The following DCAF8L2 variants were observed in gnomAD, a reference collection of about 807,000 sequenced individuals.
The protein encoded by DCAF8L2 is DDB1- and CUL4-associated factor 8-like protein 2.
For synonymous variants in DCAF8L2, 200 were observed against 190.9 expected (o/e 1.05, Z -0.39); for missense variants, 430 against 490.7 (o/e 0.88, Z 1.17).
the DCAF8L2 span, chrX:27,519,591 G>A: frequency 1.4e-4 from 94 of 655,265 alleles, no homozygotes; most frequent in African/African-American, 1.2e-3. Flanking sequence ...TCATTCCTCC[G>A]ACAGAAAACG....
intron 1 of DCAF8L2, among the ~76,000 whole-genome samples, chrX:27,623,336 A>G (rs1381219598): frequency 2.7e-5 from 3 of 111,704 alleles, no homozygotes; most frequent in Non-Finnish European, 5.6e-5. Flanking sequence ...TGGAGAGGAA[A>G]TATGAATGCA....
chrX:27,533,330 C>G, the DCAF8L2 span, among the ~76,000 whole-genome samples: 1 of 108,001 alleles, frequency 9.3e-6, no homozygotes, highest in Non-Finnish European at 1.9e-5. Flanking sequence ...CACTTGAACC[C>G]GAGAGTTCAA....
chrX:27,704,191 T>TATACACAC (rs1239897616), intron 3 of DCAF8L2, among the ~76,000 whole-genome samples: 1 of 63,520 alleles, frequency 1.6e-5, no homozygotes, highest in African/African-American at 5.4e-5. Context: ...CACACACACA[T>TATACACAC]ATGTATATAC....
At chrX:27,488,444 G>A in the DCAF8L2 span, among the ~76,000 whole-genome samples, 5 of 109,846 alleles carry the variant, frequency 4.6e-5, no homozygotes, top group African/African-American at 9.9e-5. Context: ...GTAAATTACC[G>A]TTGCACTTTC....
chrX:27,485,924 C>CTTTTTTTTT, the DCAF8L2 span, among the ~76,000 whole-genome samples: 9 of 58,814 alleles, frequency 1.5e-4, no homozygotes, highest in East Asian at 7.1e-4. Flanking sequence ...TTCTTTTTCT[C>CTTTTTTTTT]TTTTTTTTTT....
chrX:27,744,634 C>T (rs1034361570), intron 4 of DCAF8L2, among the ~76,000 whole-genome samples: 5 of 111,634 alleles, frequency 4.5e-5, no homozygotes, highest in Non-Finnish European at 9.4e-5. Flanking sequence ...ATCAAAAAAA[C>T]TGATGCCCAG....
chrX:27,557,728 A>C, the DCAF8L2 span, among the ~76,000 whole-genome samples: 1 of 102,701 alleles, frequency 9.7e-6, no homozygotes, highest in African/African-American at 3.5e-5. Flanking sequence ...AAAAAGTTCT[A>C]TGTAGCTGAG....
At chrX:27,722,420 A>T (rs1276271747) in intron 4 of DCAF8L2, among the ~76,000 whole-genome samples, 1 of 111,582 alleles carries the variant, frequency 9.0e-6, no homozygotes, top group Non-Finnish European at 1.9e-5. Context: ...ATGTGCTCGA[A>T]GCTCTTACAT....
chrX:27,689,468 C>T (rs1048014823), intron 3 of DCAF8L2, among the ~76,000 whole-genome samples: 1 of 112,550 alleles, frequency 8.9e-6, no homozygotes, highest in African/African-American at 3.2e-5. Flanking sequence ...TGGTCTCGAA[C>T]TCCTGACCTC....
chrX:27,506,311 C>T, the DCAF8L2 span, among the ~76,000 whole-genome samples: 555 of 111,734 alleles, frequency 5.0e-3, 8 homozygotes, highest in African/African-American at 0.017. Context: ...TCCAAAAGAA[C>T]TTTGTACACC....
the DCAF8L2 span, among the ~76,000 whole-genome samples, chrX:27,557,010 T>C: frequency 8.9e-6 from 1 of 112,614 alleles, no homozygotes; most frequent in African/African-American, 3.2e-5. Context: ...CTTTGAAATA[T>C]TTTCAAGTAT....
At chrX:27,602,235 A>G (rs1926682046) in intron 1 of DCAF8L2, among the ~76,000 whole-genome samples, 1 of 110,565 alleles carries the variant, frequency 9.0e-6, no homozygotes, top group Non-Finnish European at 1.9e-5. Flanking sequence ...GGGTTTCTCC[A>G]TATTGGTCAG....
chrX:27,655,855 G>A (rs892345057), intron 2 of DCAF8L2, among the ~76,000 whole-genome samples: 3 of 111,426 alleles, frequency 2.7e-5, no homozygotes, highest in African/African-American at 9.8e-5. Context: ...ATTTTTATAT[G>A]CTTTTAAAAC....
At chrX:27,610,887 G>A (rs12010622) in intron 1 of DCAF8L2, among the ~76,000 whole-genome samples, 1,228 of 112,425 alleles carry the variant, frequency 0.011, 16 homozygotes, top group African/African-American at 0.038. Context: ...ATCATTGTTA[G>A]AGCAGATTAA....
chrX:27,567,703 A>G, the DCAF8L2 span, among the ~76,000 whole-genome samples: 2 of 106,747 alleles, frequency 1.9e-5, no homozygotes, highest in African/African-American at 3.4e-5. Context: ...AAGTGCTCCA[A>G]TGAATTGAGT....
the DCAF8L2 span, among the ~76,000 whole-genome samples, chrX:27,552,462 G>A: frequency 9.0e-6 from 1 of 111,125 alleles, no homozygotes; most frequent in Non-Finnish European, 1.9e-5. Flanking sequence ...CCATTTTGAG[G>A]TGATTTTCAT....
At chrX:27,470,643 T>A in the DCAF8L2 span, among the ~76,000 whole-genome samples, 1 of 112,157 alleles carries the variant, frequency 8.9e-6, no homozygotes, top group African/African-American at 3.2e-5. Context: ...AATGGCCACT[T>A]GGCTCTATTT....
the DCAF8L2 span, among the ~76,000 whole-genome samples, chrX:27,483,279 C>A: frequency 9.0e-6 from 1 of 110,880 alleles, no homozygotes; most frequent in Non-Finnish European, 1.9e-5. Context: ...CGTCCTGTTA[C>A]AAAGAAAAAC....
At chrX:27,520,823 G>A in the DCAF8L2 span, among the ~76,000 whole-genome samples, 2 of 111,810 alleles carry the variant, frequency 1.8e-5, no homozygotes, top group African/African-American at 6.5e-5. Flanking sequence ...AAGAATTGTA[G>A]GCCATTTTCT....
Sources: allele counts gnomAD v4.1 joint callset (sites outside exome capture counted in the v4.1 genomes callset), GRCh38; gene constraint gnomAD v4.1.1; transcripts MANE v1.5; gene names NCBI Gene and HGNC (gene_info 2026-07-23, HGNC 2026-07-21).